The following TUSC3 variants were observed in gnomAD, a reference collection of about 807,000 sequenced individuals.
TUSC3 encodes the protein dolichyl-diphosphooligosaccharide--protein glycosyltransferase subunit TUSC3.
TUSC3 carries 45 observed loss-of-function variants against 44.8 expected under a neutral mutation model. The observed-to-expected ratio is 1.00, with a 90% CI of 0.79 to 1.29. TUSC3 has a LOEUF of 1.29. Ranked by LOEUF, TUSC3 falls within the 50% of genes most tolerant of loss-of-function variation. TUSC3 has a pLI of 0.00. For missense variants in TUSC3, 519 were observed against 437.9 expected (o/e 1.19, Z -1.65); for synonymous variants, 212 against 152.9 (o/e 1.39, Z -2.85).
intron 2 of TUSC3, among the ~76,000 whole-genome samples, chr8:15,625,633 G>C (rs946530100): frequency 9.9e-5 from 15 of 152,172 alleles, no homozygotes; most frequent in Non-Finnish European, 1.3e-4. Context: ...ATTCATTGTA[G>C]ACTTGGTTTA....
intron 2 of TUSC3, among the ~76,000 whole-genome samples, chr8:15,519,700 C>G (rs900105371): frequency 6.6e-6 from 1 of 152,146 alleles, no homozygotes; most frequent in Non-Finnish European, 1.5e-5. Flanking sequence ...GGAAAATTGT[C>G]TTCCATGAAA....
the TUSC3 span, among the ~76,000 whole-genome samples, chr8:15,815,925 G>C: frequency 4.5e-4 from 68 of 152,138 alleles, no homozygotes; most frequent in Admixed American, 4.5e-3. Context: ...TTCTCTGTAA[G>C]TGCCAACGAG....
chr8:15,725,783 A>G (rs1276141638), intron 6 of TUSC3, among the ~76,000 whole-genome samples: 1 of 152,232 alleles, frequency 6.6e-6, no homozygotes, highest in Non-Finnish European at 1.5e-5. Flanking sequence ...CATGAAACCC[A>G]GGACAGAGAA....
At chr8:15,473,139 C>T (rs1220456081) in intron 1 of TUSC3, among the ~76,000 whole-genome samples, 2 of 152,134 alleles carry the variant, frequency 1.3e-5, no homozygotes, top group Non-Finnish European at 2.9e-5. Context: ...AGTATGTGCT[C>T]AGCAAAAGAA....
At chr8:15,530,833 AT>A (rs1360566432) in intron 2 of TUSC3, among the ~76,000 whole-genome samples, 1 of 152,288 alleles carries the variant, frequency 6.6e-6, no homozygotes. Context: ...AAATTAGTAA[AT>A]AAAGATGGTT....
chr8:15,645,578 A>G (rs895348492), intron 2 of TUSC3, among the ~76,000 whole-genome samples: 2 of 152,122 alleles, frequency 1.3e-5, no homozygotes, highest in Admixed American at 1.3e-4. Context: ...TTAACCTCTT[A>G]AAAGTGGAGA....
intron 7 of TUSC3, among the ~76,000 whole-genome samples, chr8:15,732,250 A>T (rs532309300): frequency 6.6e-6 from 1 of 152,158 alleles, no homozygotes; most frequent in East Asian, 1.9e-4. Context: ...AATAATCCCC[A>T]CTTGTCATGG....
At chr8:15,830,210 T>C in the TUSC3 span, among the ~76,000 whole-genome samples, 1 of 152,122 alleles carries the variant, frequency 6.6e-6, no homozygotes, top group Non-Finnish European at 1.5e-5. Flanking sequence ...GTTAAATGCA[T>C]AGTTTGTAAA....
chr8:15,798,112 C>T, the TUSC3 span, among the ~76,000 whole-genome samples: 1 of 152,208 alleles, frequency 6.6e-6, no homozygotes, highest in Non-Finnish European at 1.5e-5. Context: ...ACATGTGGCT[C>T]TTCTCAGTCA....
intron 1 of TUSC3, among the ~76,000 whole-genome samples, chr8:15,478,797 A>C (rs909098203): frequency 7.9e-5 from 12 of 152,162 alleles, no homozygotes; most frequent in African/African-American, 2.9e-4. Flanking sequence ...GTATATACCT[A>C]GTAATGGGAT....
At chr8:15,693,294 A>T (rs1166394559) in intron 6 of TUSC3, among the ~76,000 whole-genome samples, 3 of 152,156 alleles carry the variant, frequency 2.0e-5, no homozygotes, top group African/African-American at 4.8e-5. Context: ...GGCCAGTAAC[A>T]GTCTTTTCTT....
At chr8:15,746,525 T>G (rs1274895074) in intron 8 of TUSC3, among the ~76,000 whole-genome samples, 2 of 148,684 alleles carry the variant, frequency 1.3e-5, no homozygotes, top group Non-Finnish European at 3.0e-5. Flanking sequence ...CGTGGTTCCT[T>G]TAATAATTAT....
chr8:15,771,892 T>C, the TUSC3 span, among the ~76,000 whole-genome samples: 1 of 151,914 alleles, frequency 6.6e-6, no homozygotes, highest in Non-Finnish European at 1.5e-5. Flanking sequence ...GTCGAGACCA[T>C]CCTGGCTAAC....
intron 7 of TUSC3, among the ~76,000 whole-genome samples, chr8:15,735,814 C>G (rs907658316): frequency 6.6e-6 from 1 of 152,160 alleles, no homozygotes; most frequent in African/African-American, 2.4e-5. Flanking sequence ...ATTCTCCTGC[C>G]TCAGCCTCCC....
At chr8:15,723,250 A>G (rs1395767817) in intron 6 of TUSC3, among the ~76,000 whole-genome samples, 1 of 152,174 alleles carries the variant, frequency 6.6e-6, no homozygotes, top group Non-Finnish European at 1.5e-5. Context: ...AGTTCAGCAG[A>G]GACATTGCTA....
At chr8:15,511,283 G>C (rs1029435003) in intron 2 of TUSC3, among the ~76,000 whole-genome samples, 3 of 152,014 alleles carry the variant, frequency 2.0e-5, no homozygotes, top group African/African-American at 7.2e-5. Context: ...AAGGAAGGGA[G>C]GGAGGGAGGT....
intron 6 of TUSC3, among the ~76,000 whole-genome samples, chr8:15,709,814 C>T (rs907807593): frequency 7.9e-5 from 12 of 151,788 alleles, no homozygotes; most frequent in Admixed American, 5.9e-4. Context: ...TGTCTAACTG[C>T]GTAGTCCAGA....
the TUSC3 span, among the ~76,000 whole-genome samples, chr8:15,802,283 C>G: frequency 5.7e-4 from 87 of 152,272 alleles, no homozygotes; most frequent in East Asian, 0.012. Flanking sequence ...AATTAACATG[C>G]CTTCTTTCTT....
chr8:15,624,610 T>C (rs529555032), intron 2 of TUSC3, among the ~76,000 whole-genome samples: 4 of 152,346 alleles, frequency 2.6e-5, no homozygotes, highest in South Asian at 4.1e-4. Flanking sequence ...GTATCATCTT[T>C]AATGAAGTAT....
Sources: allele counts gnomAD v4.1 joint callset (sites outside exome capture counted in the v4.1 genomes callset), GRCh38; gene constraint gnomAD v4.1.1; transcripts MANE v1.5; gene names NCBI Gene and HGNC (gene_info 2026-07-23, HGNC 2026-07-21).